The following MYO1E variants were observed in gnomAD, a reference collection of about 807,000 sequenced individuals.
The protein encoded by MYO1E is unconventional myosin-Ie.
Under a neutral mutation model 151.1 loss-of-function variants are expected in MYO1E, and 68 were observed. That is an observed-to-expected ratio of 0.45 (90% CI 0.37 to 0.55). The LOEUF is 0.55. Among genes scored for constraint, MYO1E ranks in the 20% least tolerant of loss-of-function variants. MYO1E has a pLI of 0.00. For missense variants in MYO1E, 1,363 were observed against 1,389.3 expected (o/e 0.98, Z 0.30); for synonymous variants, 601 against 501.7 (o/e 1.20, Z -2.64).
intron 4 of MYO1E, among the ~76,000 whole-genome samples, chr15:59,255,012 G>A (rs1394025863): frequency 6.6e-6 from 1 of 152,072 alleles, no homozygotes; most frequent in African/African-American, 2.4e-5. Flanking sequence ...TTTTAGTAGA[G>A]ACAGGGTTTC....
At chr15:59,154,334 A>C (rs1286650751) in intron 25 of MYO1E, among the ~76,000 whole-genome samples, 3 of 152,220 alleles carry the variant, frequency 2.0e-5, no homozygotes, top group Admixed American at 6.5e-5. Flanking sequence ...TACACAGGCA[A>C]GGGAAAAGTG....
intron 13 of MYO1E, 121 bp from the exon 14 acceptor site, chr15:59,208,969 A>G: frequency 8.4e-7 from 1 of 1,192,264 alleles, no homozygotes; most frequent in Non-Finnish European, 1.2e-6. Flanking sequence ...CTTGAAAGTC[A>G]GTATTCCCCT....
intron 24 of MYO1E, among the ~76,000 whole-genome samples, chr15:59,160,342 T>C (rs1052015516): frequency 5.6e-4 from 70 of 126,054 alleles, no homozygotes; most frequent in East Asian, 1.6e-3. Flanking sequence ...AGTGCGTGTG[T>C]GTGTGTGTGT....
chr15:59,228,203 C>G (rs1215459085), intron 6 of MYO1E, among the ~76,000 whole-genome samples: 1 of 152,068 alleles, frequency 6.6e-6, no homozygotes, highest in Admixed American at 6.6e-5. Context: ...TTATATATAG[C>G]CAGGCGCGGT....
chr15:59,347,729 CAAAG>C lies in MYO1E; in HGVS notation c.3+24765_3+24768del, dbSNP rs1355788440. ...AAAGGTGGCACTTCACAACAGGAGACAAAGAATGCACCAGTGAATAAATTATTTT... is the reference window on the plus strand; with the variant it reads ...AAAGGTGGCACTTCACAACAGGAGACAATGCACCAGTGAATAAATTATTTT... On this transcript the variant is annotated intron_variant, in intron 1 of 27. Transcript: ENST00000288235. 4.6e-5 allele frequency among the ~76,000 whole-genome samples: 7 copies of C among 152,070 alleles called. No individual in the cohort carries two copies. The East Asian group carries it at 9.6e-4, about 21-fold the overall frequency.
At chr15:59,334,560 TGGTAACAGCATATTC>T (rs2080717273) in intron 1 of MYO1E, among the ~76,000 whole-genome samples, 1 of 152,028 alleles carries the variant, frequency 6.6e-6, no homozygotes, top group African/African-American at 2.4e-5. Flanking sequence ...TTTTCCATTA[TGGTAACAGCATATTC>T]CCCCCACTGG....
At chr15:59,152,006 T>TG (rs1299157539) in intron 26 of MYO1E, among the ~76,000 whole-genome samples, 2 of 151,520 alleles carry the variant, frequency 1.3e-5, no homozygotes, top group Admixed American at 1.3e-4. Context: ...AGGCAGAGAT[T>TG]GCAGTGAGCC....
rs1312128695 is a variant in MYO1E at position 59,236,483 on chromosome 15, C to T, written c.420+102G>A. On this transcript the variant is annotated intron_variant, in intron 5 of 27. Coordinates refer to ENST00000288235, the MANE Select transcript of MYO1E (RefSeq NM_004998.4). ...TTCAAGTTTCACAGTTATAGAAGAA[C>T]CAGTGTCTTTTCTGTGGAAGAAAAA... 20 of 874,926 alleles carry T rather than the reference C, an allele frequency of 2.3e-5. No homozygotes were observed. In the African/African-American group the frequency reaches 3.4e-4, roughly 15 times the overall value. The allele number at this position is 874,926 out of a possible 1,614,324, so 54.2% of individuals were successfully genotyped here.
intron 4 of MYO1E, among the ~76,000 whole-genome samples, chr15:59,248,638 G>A (rs2080145541): frequency 6.6e-6 from 1 of 152,066 alleles, no homozygotes; most frequent in Non-Finnish European, 1.5e-5. Context: ...TAGACATCAG[G>A]GCTTGGCAGG....
At chr15:59,311,003 C>G (rs112640216) in intron 1 of MYO1E, among the ~76,000 whole-genome samples, 4,910 of 152,206 alleles carry the variant, frequency 0.032, 263 homozygotes, top group African/African-American at 0.11. Flanking sequence ...TCATGATCAT[C>G]TTCCCCCTCC....
intron 22 of MYO1E, among the ~76,000 whole-genome samples, chr15:59,165,983 C>T (rs1394282507): frequency 6.6e-6 from 1 of 152,130 alleles, no homozygotes; most frequent in Non-Finnish European, 1.5e-5. Context: ...CTAAATGAGC[C>T]CAACACAAGT....
intron 2 of MYO1E, 145 bp from the exon 3 acceptor site, chr15:59,261,654 A>T: frequency 1.6e-6 from 1 of 643,496 alleles, no homozygotes; most frequent in Non-Finnish European, 2.8e-6. Flanking sequence ...ACAAGTAAAG[A>T]CGAAAGCAAT....
chr15:59,303,392 C>A (rs28386830), intron 1 of MYO1E, among the ~76,000 whole-genome samples: 25,281 of 151,790 alleles, frequency 0.17, 3,493 homozygotes, highest in African/African-American at 0.38. Context: ...TCAGCCTGGG[C>A]AACACAGTGA....
intron 14 of MYO1E, chr15:59,207,497 C>T: frequency 6.2e-7 from 1 of 1,614,008 alleles, no homozygotes; most frequent in South Asian, 1.1e-5. Flanking sequence ...ATTATTGTTT[C>T]CAATCCAGTG....
chr15:59,339,413 CA>C (rs1460967471), intron 1 of MYO1E, among the ~76,000 whole-genome samples: 1 of 152,176 alleles, frequency 6.6e-6, no homozygotes, highest in African/African-American at 2.4e-5. Flanking sequence ...ATTTGACGTA[CA>C]AAACCTTTGA....
intron 24 of MYO1E, among the ~76,000 whole-genome samples, chr15:59,160,533 C>T (rs1288759335): frequency 5.9e-5 from 9 of 151,932 alleles, no homozygotes; most frequent in East Asian, 3.9e-4. Context: ...CCTCAGCCTC[C>T]GGAGTGGCTG....
intron 26 of MYO1E, among the ~76,000 whole-genome samples, chr15:59,148,538 C>CTTTTGGATGTT (rs1189376656): frequency 1.3e-5 from 2 of 152,204 alleles, no homozygotes; most frequent in Non-Finnish European, 2.9e-5. Flanking sequence ...AAGGTTGAAT[C>CTTTTGGATGTT]TATAAACATT....
At chr15:59,307,164 T>C (rs775851573) in intron 1 of MYO1E, among the ~76,000 whole-genome samples, 1 of 152,204 alleles carries the variant, frequency 6.6e-6, no homozygotes, top group African/African-American at 2.4e-5. Flanking sequence ...ATGTAGGCTA[T>C]TGCTTCCCAG....
intron 1 of MYO1E, among the ~76,000 whole-genome samples, chr15:59,334,558 TA>T (rs2080717241): frequency 6.6e-6 from 1 of 151,976 alleles, no homozygotes; most frequent in African/African-American, 2.4e-5. Flanking sequence ...CCTTTTCCAT[TA>T]TGGTAACAGC....
Sources: gnomAD v4.1 joint callset for allele counts (sites outside exome capture counted in the v4.1 genomes callset) on GRCh38, gnomAD v4.1.1 for gene constraint, MANE v1.5 for transcripts, NCBI Gene and HGNC (gene_info 2026-07-23, HGNC 2026-07-21) for gene names.